Variants in METTL15 observed in about 807,000 individuals in gnomAD.
METTL15 encodes methyltransferase 15, mitochondrial 12S rRNA N4-cytidine.
In METTL15, 34 loss-of-function variants were observed where a neutral mutation model predicts 38.3. That is an observed-to-expected ratio of 0.89 (90% CI 0.68 to 1.18). The LOEUF (loss-of-function observed/expected upper bound fraction) is 1.18. METTL15 is among the 50% of genes most tolerant of loss of function. The pLI, the probability that METTL15 is intolerant of heterozygous loss-of-function variation, is 0.00. For missense variants in METTL15, 438 were observed against 498.4 expected (o/e 0.88, Z 1.15); for synonymous variants, 162 against 170.9 (o/e 0.95, Z 0.41).
intron 3 of METTL15, among the ~76,000 whole-genome samples, chr11:28,129,189 A>G (rs1293170155): frequency 6.6e-6 from 1 of 152,168 alleles, no homozygotes; most frequent in Non-Finnish European, 1.5e-5. Flanking sequence ...GATGCTATTC[A>G]TTTACACAGC....
At chr11:28,434,068 A>G (rs991854670) in intron 6 of METTL15, among the ~76,000 whole-genome samples, 1 of 152,156 alleles carries the variant, frequency 6.6e-6, no homozygotes, top group Admixed American at 6.5e-5. Context: ...TGTAGTTTCC[A>G]TAATCCCCAC....
intron 3 of METTL15, among the ~76,000 whole-genome samples, chr11:28,205,568 C>T (rs541518454): frequency 7.4e-4 from 112 of 152,074 alleles, no homozygotes; most frequent in African/African-American, 2.2e-3. Context: ...AATAAACATA[C>T]GTGTGCATGT....
At chr11:28,424,356 G>C (rs1464873902) in exon 6 of METTL15, 1 of 152,046 alleles carries the variant, frequency 6.6e-6, no homozygotes, top group East Asian at 1.9e-4. Context: ...TTGTCTGCTG[G>C]TGCTTAAGGT....
intron 3 of METTL15, among the ~76,000 whole-genome samples, chr11:28,179,436 C>G (rs1276866097): frequency 6.6e-6 from 1 of 151,720 alleles, no homozygotes; most frequent in Non-Finnish European, 1.5e-5. Flanking sequence ...TGTAACATCT[C>G]TCACTCAGAA....
chr11:28,223,607 G>T (rs7107992), intron 4 of METTL15, among the ~76,000 whole-genome samples: 107 of 152,018 alleles, frequency 7.0e-4, no homozygotes, highest in Non-Finnish European at 6.8e-4. Context: ...TTCTAAAAGA[G>T]GAGTTAAGTT....
At chr11:28,317,469 A>C (rs1857519680) in intron 6 of METTL15, among the ~76,000 whole-genome samples, 2 of 152,126 alleles carry the variant, frequency 1.3e-5, no homozygotes, top group Admixed American at 1.3e-4. Context: ...GAGCTGAATT[A>C]ATATTTAAAC....
chr11:28,209,282 A>C (rs1852517448), intron 3 of METTL15, among the ~76,000 whole-genome samples: 2 of 152,028 alleles, frequency 1.3e-5, no homozygotes, highest in African/African-American at 4.8e-5. Flanking sequence ...TATTGATCCC[A>C]TGACAAGGAA....
At position 28,169,808 on chromosome 11, in the gene METTL15, C is replaced by T. The variant is rs182532206; in HGVS notation, c.271-41254C>T. Among the ~76,000 whole-genome samples the T allele has an allele frequency of 9.0e-4, 127 of 140,600 alleles. 1 individual carries two copies. Among genetic ancestry groups the T allele is most frequent in the Admixed American group, 2.6e-3 (38 of 14,346 alleles). The allele number at this position is 140,600 out of a possible 152,430, so 92.2% of individuals were successfully genotyped here. A position where few individuals can be genotyped will look rare whatever the true frequency, so the allele number is the denominator to read the frequency against. On this transcript the variant is annotated intron_variant, in intron 3 of 6. Transcript: ENST00000407364. ...CTTGGTTTTCAAAACCTAATGCAAA[C>T]TCCTACTAGATAAGAATAATTCTAT...
At chr11:28,318,444 G>A (rs928853288) in intron 6 of METTL15, among the ~76,000 whole-genome samples, 1 of 152,108 alleles carries the variant, frequency 6.6e-6, no homozygotes, top group South Asian at 2.1e-4. Flanking sequence ...TAAAGTACAA[G>A]AAGAGGGAGG....
chr11:28,373,183 G>A (rs1378248306), intron 5 of METTL15, among the ~76,000 whole-genome samples: 1 of 152,048 alleles, frequency 6.6e-6, no homozygotes, highest in Admixed American at 6.6e-5. Flanking sequence ...CTAGATCCCT[G>A]AGGAATCGCC....
At chr11:28,368,220 C>G (rs1421521877) in intron 5 of METTL15, among the ~76,000 whole-genome samples, 1 of 147,436 alleles carries the variant, frequency 6.8e-6, no homozygotes, top group East Asian at 2.0e-4. Flanking sequence ...AGGCAACCTA[C>G]AGAATGGGAG....
chr11:28,211,075 T>G lies in METTL15; in HGVS notation c.284T>G (p.Met95Arg). The stretch of plus-strand genomic sequence containing the variant: ...TGTGTTTGCTAGATTTTTCTAGATA[T>G]GACATTTGGTTCGGGAGGGCACACA... ...SPQKGQIFLD[M>R]TFGSGGHTKA... The change falls in exon 4 of 7, where the codon ATG becomes AGG. Residue 95 changes from methionine (M) to arginine (R), a missense_variant. By Grantham distance (91) the Met-to-Arg change is moderately conservative. Coordinates refer to ENST00000407364, the MANE Select transcript of METTL15 (RefSeq NM_001113528.2). The G allele has an allele frequency of 6.2e-7, 1 of 1,608,814 alleles. No individual in the cohort carries two copies. The highest frequency in any genetic ancestry group is 8.5e-7 in the Non-Finnish European group (1 of 1,178,276).
At chr11:28,382,957 CTT>C (rs34928420) in intron 5 of METTL15, among the ~76,000 whole-genome samples, 425 of 145,388 alleles carry the variant, frequency 2.9e-3, no homozygotes, top group East Asian at 4.4e-3. Context: ...TGGTGACAAT[CTT>C]TTTTTTTTTT....
At chr11:28,237,527 C>G (rs1354196938) in intron 4 of METTL15, among the ~76,000 whole-genome samples, 1 of 152,154 alleles carries the variant, frequency 6.6e-6, no homozygotes, top group Non-Finnish European at 1.5e-5. Flanking sequence ...ACGTTTTCAG[C>G]TCCTTTGCCT....
intron 6 of METTL15, among the ~76,000 whole-genome samples, chr11:28,440,745 A>G (rs1851027188): frequency 6.6e-6 from 1 of 152,200 alleles, no homozygotes; most frequent in African/African-American, 2.4e-5. Flanking sequence ...ACATAGGTAC[A>G]CACACAAACA....
chr11:28,224,646 A>G (rs1050726802), intron 4 of METTL15, among the ~76,000 whole-genome samples: 1 of 151,742 alleles, frequency 6.6e-6, no homozygotes. Flanking sequence ...ACACGATTTT[A>G]TTGGTTGTAG....
At chr11:28,392,903 T>G (rs1430643281) in intron 5 of METTL15, among the ~76,000 whole-genome samples, 1 of 152,072 alleles carries the variant, frequency 6.6e-6, no homozygotes, top group East Asian at 1.9e-4. Flanking sequence ...TATGAAAAGA[T>G]GTTGAACATC....
In METTL15 at chr11:28,224,042, C is replaced by T. The variant is rs546721481; in HGVS notation, c.407+12844C>T. Reference sequence around the variant, plus strand: ...ATTTTGTTTCTAAAAATATAATAAACTGTTATTTTCAACATTTTATAAAAG... The same window carrying T: ...ATTTTGTTTCTAAAAATATAATAAATTGTTATTTTCAACATTTTATAAAAG... On this transcript the variant is annotated intron_variant, in intron 4 of 6. Transcript: ENST00000407364. 2.0e-5 allele frequency among the ~76,000 whole-genome samples: 3 copies of T among 151,952 alleles called. No individual in the cohort carries two copies. The South Asian group carries it at 6.2e-4, about 31-fold the overall frequency.
chr11:28,208,547 G>A (rs1270617024), intron 3 of METTL15, among the ~76,000 whole-genome samples: 1 of 152,028 alleles, frequency 6.6e-6, no homozygotes, highest in Non-Finnish European at 1.5e-5. Context: ...GTCAATTTTG[G>A]AATAGGTGTG....
Sources: gnomAD v4.1 joint callset for allele counts (sites outside exome capture counted in the v4.1 genomes callset) on GRCh38, gnomAD v4.1.1 for gene constraint, MANE v1.5 for transcripts, NCBI Gene and HGNC (gene_info 2026-07-23, HGNC 2026-07-21) for gene names.